Variants in GET1 observed in about 807,000 individuals in gnomAD.
GET1 encodes congenital heart disease 5 protein.
Under a neutral mutation model 22.6 loss-of-function variants are expected in GET1, and 20 were observed. The ratio of observed to expected loss-of-function variants is 0.89; its 90% CI spans 0.62 to 1.29. The LOEUF (loss-of-function observed/expected upper bound fraction) is 1.29, where lower values mean the gene tolerates loss of function less well. Among genes scored for constraint, GET1 ranks in the 50% most tolerant of loss-of-function variants. GET1 has a pLI of 0.00. For synonymous variants in GET1, 92 were observed against 83.8 expected (o/e 1.10, Z -0.53); for missense variants, 209 against 219.9 (o/e 0.95, Z 0.31).
intron 4 of GET1, among the ~76,000 whole-genome samples, chr21:39,403,309 C>A (rs1350485787): frequency 6.6e-6 from 1 of 152,174 alleles, no homozygotes; most frequent in Non-Finnish European, 1.5e-5. Flanking sequence ...GTATTTATCT[C>A]ATCTTTGGTT....
At chr21:39,423,357 T>G in intron 1 of GET1, 1 of 1,612,844 alleles carries the variant, frequency 6.2e-7, no homozygotes, top group Non-Finnish European at 8.5e-7. Context: ...TTTTTAGTCC[T>G]TTAATTTTAT....
chr21:39,416,134 C>T (rs997135649), intron 1 of GET1, among the ~76,000 whole-genome samples: 2 of 152,152 alleles, frequency 1.3e-5, no homozygotes, highest in Non-Finnish European at 2.9e-5. Context: ...CCCTCACAAA[C>T]GATTTGGTTA....
intron 3 of GET1, 29 bp from the exon 4 acceptor site, chr21:39,393,137 T>C: frequency 2.5e-6 from 4 of 1,591,788 alleles, no homozygotes; most frequent in Non-Finnish European, 3.4e-6. Flanking sequence ...ATTGGCAGGC[T>C]GCTTTGCTCA....
intron 1 of GET1, chr21:39,380,872 C>A: frequency 1.0e-6 from 1 of 995,814 alleles, no homozygotes. Flanking sequence ...GTCAGCTGTT[C>A]CAGGTCCCGG....
downstream of GET1, chr21:39,410,774 T>C (rs1159267839): frequency 4.3e-6 from 2 of 466,904 alleles, no homozygotes; most frequent in African/African-American, 2.0e-5. Flanking sequence ...GACTGCACTT[T>C]CCTGAAAAGT....
At chr21:39,423,599 T>C (rs552141000) in intron 1 of GET1, 413 of 891,600 alleles carry the variant, frequency 4.6e-4, no homozygotes, top group Admixed American at 1.4e-3. Flanking sequence ...ACCACACACA[T>C]ACACACAAGC....
downstream of GET1, among the ~76,000 whole-genome samples, chr21:39,402,793 A>G (rs2038872312): frequency 1.3e-5 from 2 of 152,330 alleles, no homozygotes; most frequent in East Asian, 1.9e-4. Context: ...CATAGCAAAC[A>G]TGCGAAAGAA....
chr21:39,391,868 G>A, intron 3 of GET1, 32 bp downstream of exon 3: 1 of 1,610,928 alleles, frequency 6.2e-7, no homozygotes. Context: ...CCGGGTCATT[G>A]GAGTTGGTGA....
At position 39,418,082 on chromosome 21, in the gene GET1, TA is replaced by T. The variant is rs1449114381; in HGVS notation, c.*23+7149del. 5.9e-5 allele frequency among the ~76,000 whole-genome samples: 9 copies of T among 152,164 alleles called. No individual in the cohort carries two copies. In the East Asian group the frequency reaches 1.3e-3, roughly 23 times the overall value. On this transcript the variant is annotated intron_variant, in intron 1 of 1. Coordinates refer to the GET1 transcript ENST00000478273. ...CGCCCAGCGGGGGAGTTTCTTTTTA[TA>T]AAACCATCAGATCTCATGAGACTTA...
chr21:39,425,396 C>T (rs1376589916), intron 1 of GET1, among the ~76,000 whole-genome samples: 1 of 152,214 alleles, frequency 6.6e-6, no homozygotes, highest in African/African-American at 2.4e-5. Context: ...ATAGATTATA[C>T]AACACAGTAT....
intron 1 of GET1, among the ~76,000 whole-genome samples, chr21:39,417,690 A>G (rs570120730): frequency 1.3e-5 from 2 of 152,300 alleles, no homozygotes; most frequent in East Asian, 3.9e-4. Flanking sequence ...GAGGAGCAAA[A>G]GGACTTCTTA....
At chr21:39,403,198 G>A (rs1255291956) in intron 4 of GET1, among the ~76,000 whole-genome samples, 1 of 152,156 alleles carries the variant, frequency 6.6e-6, no homozygotes, top group East Asian at 1.9e-4. Context: ...ATGAGCCTGT[G>A]AGAGCTCTCC....
chr21:39,380,337 C>T lies in GET1; in HGVS notation c.-48C>T, dbSNP rs753710058. The T allele has an allele frequency of 3.2e-6, 5 of 1,556,806 alleles. No homozygotes were observed. Among genetic ancestry groups the T allele is most frequent in the South Asian group, 1.2e-5 (1 of 85,616 alleles). ...GCGCGGTCGCCGCTGTTGTTGTGGT[C>T]CCCATGGAGCTGCCGTAGCGGACCC... On this transcript the variant is annotated 5_prime_UTR_variant, in exon 1 of 5. Transcript: ENST00000649170.
chr21:39,405,717 T>A (rs1005363541), intron 4 of GET1: 5 of 470,006 alleles, frequency 1.1e-5, no homozygotes, highest in African/African-American at 2.0e-5. Context: ...TAAAATAGAT[T>A]TTTTACTAGA....
intron 1 of GET1, 131 bp from the exon 2 acceptor site, chr21:39,390,567 G>A (rs2146965109): frequency 8.1e-7 from 1 of 1,239,014 alleles, no homozygotes; most frequent in Non-Finnish European, 1.1e-6. Context: ...TTTGCATTCA[G>A]TCCTGCAGGG....
intron 1 of GET1, chr21:39,426,088 T>C (rs1020565241): frequency 3.3e-5 from 5 of 152,232 alleles, no homozygotes; most frequent in Non-Finnish European, 7.3e-5. Flanking sequence ...CTTCTTTGTG[T>C]GAGGCCCTTT....
intron 1 of GET1, chr21:39,420,848 A>C (rs767811094): frequency 6.2e-6 from 10 of 1,610,568 alleles, no homozygotes; most frequent in Admixed American, 1.7e-5. Flanking sequence ...CAAGCTCTGA[A>C]AACAGTATAT....
intron 3 of GET1, among the ~76,000 whole-genome samples, chr21:39,392,447 A>G (rs574420671): frequency 6.6e-6 from 1 of 152,136 alleles, no homozygotes; most frequent in Non-Finnish European, 1.5e-5. Context: ...CCCACCCCCA[A>G]AAAAGCTTAG....
chr21:39,410,256 T>C (rs757951514), downstream of GET1: 1 of 1,562,906 alleles, frequency 6.4e-7, no homozygotes. Context: ...ATTCCAAATT[T>C]GCTGTACCTT....
Sources: allele counts gnomAD v4.1 joint callset (sites outside exome capture counted in the v4.1 genomes callset), GRCh38; gene constraint gnomAD v4.1.1; transcripts MANE v1.5; gene names NCBI Gene and HGNC (gene_info 2026-07-23, HGNC 2026-07-21).